Variants in ABCG5 observed in about 807,000 individuals in gnomAD.
ABCG5 encodes ATP binding cassette subfamily G member 5, also known as ATP-binding cassette sub-family G member 5.
Under a neutral mutation model 64.5 loss-of-function variants are expected in ABCG5, and 64 were observed. The observed-to-expected ratio is 0.99, with a 90% confidence interval of 0.81 to 1.22. The LOEUF is 1.22. Ranked by LOEUF, ABCG5 falls within the 50% of genes most tolerant of loss-of-function variation. ABCG5 has a pLI of 0.00. For missense variants in ABCG5, 908 were observed against 829.5 expected (o/e 1.09, Z -1.16); for synonymous variants, 385 against 326.3 (o/e 1.18, Z -1.94).
intron 10 of ABCG5, among the ~76,000 whole-genome samples, chr2:43,821,930 C>G (rs1667235050): frequency 6.6e-6 from 1 of 152,070 alleles, no homozygotes; most frequent in Non-Finnish European, 1.5e-5. Context: ...TGCTTGCATC[C>G]TTGATCCCAT....
At position 43,819,921 on chromosome 2, in the gene ABCG5, A is replaced by AATCCAG. The variant is rs763204326; in HGVS notation, c.1637_1642dup (p.Ser546_Gly547dup). On this transcript the variant is annotated inframe_insertion, in exon 11 of 13. Coordinates refer to ENST00000405322, the MANE Select transcript of ABCG5 (RefSeq NM_022436.3). Reference sequence around the variant, plus strand: ...TTGAATTATGATATCTTACCTGAGGAATCCAGATCCAACAAGCACCCCCGC... The same window carrying AATCCAG: ...TTGAATTATGATATCTTACCTGAGGAATCCAGATCCAGATCCAACAAGCACCCCCGC... 1 of 1,614,054 alleles carries AATCCAG rather than the reference A, an allele frequency of 6.2e-7. No homozygotes were observed. Among genetic ancestry groups the AATCCAG allele is most frequent in the African/African-American group, 1.3e-5 (1 of 74,910 alleles).
chr2:43,832,970 C>T (rs1423426837), intron 2 of ABCG5, among the ~76,000 whole-genome samples: 4 of 152,038 alleles, frequency 2.6e-5, no homozygotes, highest in African/African-American at 7.2e-5. Context: ...CCACTACACC[C>T]GGCTAATTTT....
At position 43,831,632 on chromosome 2, in the gene ABCG5, C is replaced by A. The variant is rs1356545247; in HGVS notation, c.501+137G>T. Reference sequence around the variant, plus strand: ...TAGGGGCAGCACAGGGTGCACGGTGCAGGACGCAGGGCGCGCTCTAGAGTG... The same window carrying A: ...TAGGGGCAGCACAGGGTGCACGGTGAAGGACGCAGGGCGCGCTCTAGAGTG... On this transcript the variant is annotated intron_variant, in intron 4 of 12. Transcript: ENST00000405322. The A allele has an allele frequency of 5.8e-6, 5 of 867,014 alleles. No homozygotes were observed. In the African/African-American group the frequency reaches 8.3e-5, roughly 14 times the overall value. 53.7% of individuals were successfully genotyped at this position (867,014 alleles called of 1,614,324 possible). A position where few individuals can be genotyped will look rare whatever the true frequency, so the allele number is the denominator to read the frequency against.
Position 43,838,653 on chromosome 2 carries a change from G to A in ABCG5, c.27C>T (p.Pro9=), listed in dbSNP as rs72542428. The A allele has an allele frequency of 3.9e-4, 627 of 1,613,608 alleles. 5 individuals are homozygous for A. The East Asian group carries it at 8.2e-3, about 21-fold the overall frequency. MGDLSSLT[P]GGSMGLQVNR... is the part of the protein sequence containing the mutation. ...TTACTTGGAGACCCATGGACCCTCCGGGGGTCAAAGATGAGAGGTCACCCA... is the reference window on the plus strand; with the variant it reads ...TTACTTGGAGACCCATGGACCCTCCAGGGGTCAAAGATGAGAGGTCACCCA... Residue 9 remains proline, a synonymous_variant, in exon 1 of 13, where the codon CCC becomes CCT. Coordinates refer to ENST00000405322, the MANE Select transcript of ABCG5 (RefSeq NM_022436.3). The surrounding 1 kb of genome is among the most constrained non-coding windows in gnomAD (Gnocchi z 4.2).
In ABCG5 at chr2:43,827,991, T is replaced by C. The variant is rs1455404503; in HGVS notation, c.626A>G (p.Gln209Arg). The change falls in exon 5 of 13, where the codon CAG (glutamine) becomes CGG (arginine). Residue 209 changes from glutamine to arginine, a missense_variant. Physicochemically the swap from Gln to Arg is conservative, Grantham distance 43 (BLOSUM62 1). Coordinates refer to ENST00000405322, the MANE Select transcript of ABCG5 (RefSeq NM_022436.3). ...TTCTGGGTGCCACTTACTAGGATCC[T>C]GGAGCAGCTGGGCTGCGATGGAGAC... ...RRVSIAAQLLQDPKVMLFDEP... is the reference protein window; with the variant it reads ...RRVSIAAQLLRDPKVMLFDEP... 1.2e-6 allele frequency: 2 copies of C among 1,614,060 alleles called. No individual in the cohort carries two copies. Among genetic ancestry groups the C allele is most frequent in the East Asian group, 2.2e-5 (1 of 44,886 alleles).
intron 4 of ABCG5, chr2:43,828,342 A>C (rs2104844998): frequency 1.7e-6 from 1 of 605,712 alleles, no homozygotes; most frequent in South Asian, 1.9e-5. Context: ...AATTTTTTAA[A>C]ACGTCCCCAG....
At chr2:43,815,004 C>T (rs1047083717) in intron 11 of ABCG5, among the ~76,000 whole-genome samples, 4 of 152,100 alleles carry the variant, frequency 2.6e-5, no homozygotes, top group African/African-American at 7.2e-5. Flanking sequence ...CTCAAGTAGA[C>T]GATTACTGTC....
In ABCG5 at chr2:43,838,074, A is replaced by G. The variant is rs1668396268; in HGVS notation, c.144-119T>C. 7.1e-7 allele frequency: 1 copy of G among 1,418,134 alleles called. No homozygotes were observed. Among genetic ancestry groups the G allele is most frequent in the Non-Finnish European group, 9.8e-7 (1 of 1,022,300 alleles). The allele number at this position is 1,418,134 out of a possible 1,614,324, so 87.8% of individuals were successfully genotyped here. Reference sequence around the variant, plus strand: ...CCAGTAGTCTCCGGACAGGCTCCTAACGTGTTTCAGTCTCTGCGCCCTCCT... The same window carrying G: ...CCAGTAGTCTCCGGACAGGCTCCTAGCGTGTTTCAGTCTCTGCGCCCTCCT... On this transcript the variant is annotated intron_variant, in intron 1 of 12. Transcript: ENST00000405322. This position sits in a 1 kb window ranked among gnomAD's most constrained non-coding sequence, Gnocchi z 4.2.
In ABCG5 at chr2:43,838,091, C is replaced by T. The variant is rs1393333812; in HGVS notation, c.144-136G>A. 8 of 1,206,708 alleles carry T rather than the reference C, an allele frequency of 6.6e-6. No individual in the cohort carries two copies. Among genetic ancestry groups the T allele is most frequent in the Admixed American group, 2.0e-5 (1 of 49,598 alleles). The allele number at this position is 1,206,708 out of a possible 1,614,324, so 74.8% of individuals were successfully genotyped here. On this transcript the variant is annotated intron_variant, in intron 1 of 12. Transcript: ENST00000405322. This position sits in a 1 kb window ranked among gnomAD's most constrained non-coding sequence, Gnocchi z 4.2. ...GGCTCCTAACGTGTTTCAGTCTCTG[C>T]GCCCTCCTCTGTAGAACCTGGCAGA...
chr2:43,815,063 A>G (rs1366319053), intron 11 of ABCG5, among the ~76,000 whole-genome samples: 1 of 152,208 alleles, frequency 6.6e-6, no homozygotes, highest in Non-Finnish European at 1.5e-5. Flanking sequence ...GAAAATACAG[A>G]CCTAACACAT....
In ABCG5 at chr2:43,838,178, C is replaced by A; in HGVS notation, c.144-223G>T. 2 of 626,184 alleles carry A rather than the reference C, an allele frequency of 3.2e-6. No homozygotes were observed. Among genetic ancestry groups the A allele is most frequent in the Non-Finnish European group, 5.5e-6 (2 of 362,388 alleles). 38.8% of individuals were successfully genotyped at this position (626,184 alleles called of 1,614,324 possible). On this transcript the variant is annotated intron_variant, in intron 1 of 12. Transcript: ENST00000405322. The surrounding 1 kb of genome is among the most constrained non-coding windows in gnomAD (Gnocchi z 4.2). ...CTGTGCTGGAGTTGCTCTGAATGTC[C>A]TGTCCGTTTGGCTGCGAGGTGGCTG...
intron 10 of ABCG5, among the ~76,000 whole-genome samples, chr2:43,822,015 C>T (rs1319684761): frequency 2.6e-5 from 4 of 152,128 alleles, no homozygotes; most frequent in Admixed American, 2.6e-4. Flanking sequence ...ATTTTGGCTG[C>T]ATTTTCATCT....
At chr2:43,832,192 T>A in intron 2 of ABCG5, 109 bp from the exon 3 acceptor site, 6 of 1,443,952 alleles carry the variant, frequency 4.2e-6, no homozygotes, top group South Asian at 1.2e-5. Flanking sequence ...GAGTGCTACA[T>A]GACGGACCCT....
intron 12 of ABCG5, among the ~76,000 whole-genome samples, chr2:43,813,687 T>G (rs1378374241): frequency 6.7e-6 from 1 of 148,886 alleles, no homozygotes; most frequent in African/African-American, 2.5e-5. Flanking sequence ...TTTTTTTTGT[T>G]TTTTTTGGGG....
At chr2:43,819,887 C>G (rs769084447) in intron 11 of ABCG5, 28 bp downstream of exon 11, 2 of 1,612,206 alleles carry the variant, frequency 1.2e-6, no homozygotes, top group Non-Finnish European at 1.7e-6. Context: ...TTATCCCAAT[C>G]TAAATTTTTT....
Position 43,813,107 on chromosome 2 carries a change from T to TGGCTTTCA in ABCG5, c.*1_*8dup. ...AGCTTCACTTCCATTTTCCCAGCCA[T>TGGCTTTCA]GGCTTTCACTACCTGCTAATGAGAT... On this transcript the variant is annotated 3_prime_UTR_variant, in exon 13 of 13. Coordinates refer to ENST00000405322, the MANE Select transcript of ABCG5 (RefSeq NM_022436.3). 1 of 1,075,884 alleles carries TGGCTTTCA rather than the reference T, an allele frequency of 9.3e-7. No individual in the cohort carries two copies. The highest frequency in any genetic ancestry group is 2.0e-4 in the Middle Eastern group (1 of 4,994). 66.6% of individuals were successfully genotyped at this position (1,075,884 alleles called of 1,614,324 possible).
At chr2:43,817,812 A>T (rs940136978) in intron 11 of ABCG5, among the ~76,000 whole-genome samples, 40 of 151,902 alleles carry the variant, frequency 2.6e-4, no homozygotes, top group African/African-American at 9.0e-4. Flanking sequence ...CGGGAGGCTG[A>T]GGCAGGAAAA....
In ABCG5 at chr2:43,828,019, G is replaced by T. The variant is rs986330996; in HGVS notation, c.598C>A (p.Arg200=). 1.9e-6 allele frequency: 3 copies of T among 1,613,980 alleles called. No homozygotes were observed. The highest frequency in any genetic ancestry group is 2.5e-6 in the Non-Finnish European group (3 of 1,180,034). ...LGGISTGERR[R]VSIAAQLLQD... ...AGCAGCTGGGCTGCGATGGAGACCC[G>T]GCGCCGCTCACCCGTGGAAATGCCC... Residue 200 remains arginine, a synonymous_variant, in exon 5 of 13, where the codon CGG becomes AGG. Transcript: ENST00000405322.
chr2:43,824,953 C>T lies in ABCG5; in HGVS notation c.840G>A (p.Met280Ile). The change falls in exon 7 of 13, where the codon ATG becomes ATA. Residue 280 changes from methionine to isoleucine, a missense_variant. Coordinates refer to ENST00000405322, the MANE Select transcript of ABCG5 (RefSeq NM_022436.3). The stretch of plus-strand genomic sequence containing the variant: ...AACCGCAGTCATTGAAGAAATCAAG[C>T]ATTTCCGCTGGCGTGCCACAGAAAA... ...ELIFCGTPAE[M>I]LDFFNDCGYP... 1.9e-6 allele frequency: 3 copies of T among 1,614,040 alleles called. No homozygotes were observed. Among genetic ancestry groups the T allele is most frequent in the Non-Finnish European group, 2.5e-6 (3 of 1,179,954 alleles).
Sources: gnomAD v4.1 joint callset for allele counts (sites outside exome capture counted in the v4.1 genomes callset) on GRCh38, gnomAD v4.1.1 for gene constraint, Gnocchi (gnomAD v3.1) non-coding constraint, MANE v1.5 for transcripts, NCBI Gene and HGNC (gene_info 2026-07-23, HGNC 2026-07-21) for gene names.